The following NCOA3 variants were observed in gnomAD, a reference collection of about 807,000 sequenced individuals.
NCOA3 encodes the protein CBP-interacting protein.
A neutral mutation model predicts 158.8 loss-of-function variants in NCOA3; 51 were observed. The ratio of observed to expected loss-of-function variants is 0.32; its 90% CI spans 0.26 to 0.41. NCOA3 has a LOEUF of 0.41. NCOA3 is among the 10% of genes least tolerant of loss of function. The pLI, the probability that NCOA3 is intolerant of heterozygous loss-of-function variation, is 1.00. For missense variants in NCOA3, 1,510 were observed against 1,746.6 expected (o/e 0.86, Z 2.41); for synonymous variants, 537 against 592.4 (o/e 0.91, Z 1.36).
chr20:47,575,524 C>T (rs1228247397), intron 1 of NCOA3, among the ~76,000 whole-genome samples: 1 of 152,138 alleles, frequency 6.6e-6, no homozygotes, highest in Non-Finnish European at 1.5e-5. Flanking sequence ...CATTATATTG[C>T]TATATAAACT....
At chr20:47,608,929 A>G (rs933534839) in intron 2 of NCOA3, among the ~76,000 whole-genome samples, 2 of 152,154 alleles carry the variant, frequency 1.3e-5, no homozygotes, top group African/African-American at 2.4e-5. Context: ...GAGCTAACCA[A>G]TCTGAAGTTT....
rs1217063151 is a variant in NCOA3, at chr20:47,635,509, G to T, written c.1300G>T (p.Gly434Trp). 6.2e-7 allele frequency: 1 copy of T among 1,614,072 alleles called. No individual in the cohort carries two copies. Among genetic ancestry groups the T allele is most frequent in the Non-Finnish European group, 8.5e-7 (1 of 1,180,008 alleles). The change falls in exon 11 of 23, where the codon GGG becomes TGG. Residue 434 changes from glycine to tryptophan, a missense_variant. This residue lies in a region of NCOA3 where 1,017 missense variants were observed against 1,098.3 expected (regional missense o/e 0.93). Transcript: ENST00000371998. ...TTGQMSGARY[G>W]GSSNIASLTP... ...AGGGCAGATGAGTGGAGCTAGGTATGGGGGTTCCAGTAACATAGCTTCATT... is the reference window on the plus strand; with the variant it reads ...AGGGCAGATGAGTGGAGCTAGGTATTGGGGTTCCAGTAACATAGCTTCATT...
intron 1 of NCOA3, among the ~76,000 whole-genome samples, chr20:47,533,487 C>T (rs1013171971): frequency 6.6e-6 from 1 of 151,986 alleles, no homozygotes; most frequent in African/African-American, 2.4e-5. Flanking sequence ...TATATCTTTC[C>T]AGTCTTTTTT....
At chr20:47,607,243 AG>A (rs1356494845) in intron 2 of NCOA3, among the ~76,000 whole-genome samples, 1 of 152,240 alleles carries the variant, frequency 6.6e-6, no homozygotes, top group Admixed American at 6.5e-5. Context: ...TTTGAGAAGC[AG>A]ACACAGGAGA....
intron 1 of NCOA3, among the ~76,000 whole-genome samples, chr20:47,570,812 C>G (rs1387678480): frequency 2.0e-5 from 3 of 151,530 alleles, no homozygotes; most frequent in Admixed American, 2.0e-4. Context: ...GTTAAAATTG[C>G]TCCATAATCC....
chr20:47,574,488 AT>A (rs10626049), intron 1 of NCOA3, among the ~76,000 whole-genome samples: 5,305 of 143,756 alleles, frequency 0.037, 122 homozygotes, highest in African/African-American at 0.076. Flanking sequence ...GTATATTTTG[AT>A]TTTTTTTTTT....
At chr20:47,549,367 A>T (rs914025994) in intron 1 of NCOA3, among the ~76,000 whole-genome samples, 65 of 139,268 alleles carry the variant, frequency 4.7e-4, no homozygotes, top group African/African-American at 6.0e-4. Flanking sequence ...ACAAAAAATT[A>T]AAAAAAAAAA....
At chr20:47,536,653 CTTAT>C (rs2084638378) in intron 1 of NCOA3, among the ~76,000 whole-genome samples, 1 of 152,088 alleles carries the variant, frequency 6.6e-6, no homozygotes, top group South Asian at 2.1e-4. Context: ...GCTTTGAGTT[CTTAT>C]TTATTTGTTT....
chr20:47,641,910 A>G (rs366442), intron 16 of NCOA3, among the ~76,000 whole-genome samples: 1 of 150,906 alleles, frequency 6.6e-6, no homozygotes, highest in Non-Finnish European at 1.5e-5. Flanking sequence ...ATCCTTCCCT[A>G]CCCTCCCCCT....
rs374835226 is a variant in NCOA3, at chr20:47,653,729, C to G, written c.*312C>G. 26 of 381,500 alleles carry G rather than the reference C, an allele frequency of 6.8e-5. 1 individual carries two copies. Among genetic ancestry groups the G allele is most frequent in the African/African-American group, 4.3e-4 (21 of 48,278 alleles). The allele number at this position is 381,500 out of a possible 1,614,324, so 23.6% of individuals were successfully genotyped here. Reference sequence around the variant, plus strand: ...GTTACTGATCATAAAACTTTTGTGTCACTTTTTTCTGCCTTGCTAGCCAAA... The same window carrying G: ...GTTACTGATCATAAAACTTTTGTGTGACTTTTTTCTGCCTTGCTAGCCAAA... On this transcript the variant is annotated 3_prime_UTR_variant, in exon 23 of 23. Coordinates refer to ENST00000371998, the MANE Select transcript of NCOA3 (RefSeq NM_181659.3).
chr20:47,605,603 A>C (rs2085934228), intron 2 of NCOA3, among the ~76,000 whole-genome samples: 1 of 151,054 alleles, frequency 6.6e-6, no homozygotes, highest in African/African-American at 2.4e-5. Context: ...TTTACCTGTG[A>C]GCCTTGCTTT....
At position 47,635,564 on chromosome 20, in the gene NCOA3, CT is replaced by C; in HGVS notation, c.1357del (p.Ser453ProfsTer11). 6.2e-7 allele frequency: 1 copy of C among 1,614,166 alleles called. No individual in the cohort carries two copies. The highest frequency in any genetic ancestry group is 8.5e-7 in the Non-Finnish European group (1 of 1,180,044). ...CCTGGGCCAGGCATGCAATCACCAT[CT>C]TCCTACCAGAACAACAACTATGGGC... ...LTPGPGMQSPSSYQNNNYGLN... is the reference protein window; with the variant it reads ...LTPGPGMQSPXSYQNNNYGLN... On this transcript the variant is annotated frameshift_variant, in exon 11 of 23. Transcript: ENST00000371998. LOFTEE classifies it high-confidence loss of function.
intron 1 of NCOA3, among the ~76,000 whole-genome samples, chr20:47,574,308 C>T (rs72662714): frequency 0.023 from 3,553 of 152,180 alleles, 55 homozygotes; most frequent in Middle Eastern, 0.048. Context: ...TATAAAATTA[C>T]AAGGAACGTG....
At chr20:47,538,783 A>G (rs1238806761) in intron 1 of NCOA3, among the ~76,000 whole-genome samples, 1 of 152,132 alleles carries the variant, frequency 6.6e-6, no homozygotes, top group Non-Finnish European at 1.5e-5. Context: ...TGACCTCATG[A>G]TCCTCCCACC....
At chr20:47,514,020 A>T (rs1030291503) in intron 1 of NCOA3, among the ~76,000 whole-genome samples, 2 of 152,148 alleles carry the variant, frequency 1.3e-5, no homozygotes, top group African/African-American at 4.8e-5. Context: ...CAGGGCAGGG[A>T]AGGAGGCAGC....
rs755256318 is a variant in NCOA3 at position 47,636,119 on chromosome 20, A to G, written c.1733A>G (p.Asn578Ser). Reference sequence around the variant, plus strand: ...CCTCTGGGCTTTTATTGCGACCAAAATCCAGTGGAGAGTTCAATGTGTCAG... The same window carrying G: ...CCTCTGGGCTTTTATTGCGACCAAAGTCCAGTGGAGAGTTCAATGTGTCAG... The part of the protein sequence containing the change: ...KSPLGFYCDQ[N>S]PVESSMCQSN... Residue 578 changes from asparagine to serine, a missense_variant, in exon 12 of 23, where the codon AAT becomes AGT. Physicochemically the swap from Asn to Ser is conservative, Grantham distance 46. Around this residue, in one of 4 missense-constraint regions of NCOA3, gnomAD observed 1,017 missense variants for 1,098.3 expected, o/e 0.93. Transcript: ENST00000371998. The G allele has an allele frequency of 2.5e-6, 4 of 1,614,086 alleles. No homozygotes were observed. Among genetic ancestry groups the G allele is most frequent in the African/African-American group, 2.7e-5 (2 of 74,914 alleles).
chr20:47,541,540 G>C (rs1369609280), intron 1 of NCOA3, among the ~76,000 whole-genome samples: 1 of 144,316 alleles, frequency 6.9e-6, no homozygotes, highest in African/African-American at 2.6e-5. Flanking sequence ...CACTGTGCCC[G>C]TTTAATTTTT....
intron 1 of NCOA3, among the ~76,000 whole-genome samples, chr20:47,581,814 G>A (rs2146219241): frequency 6.6e-6 from 1 of 152,270 alleles, no homozygotes; most frequent in Middle Eastern, 3.4e-3. Flanking sequence ...GTGTTTTATT[G>A]TAGATTATTT....
chr20:47,582,323 C>G (rs2146220075), intron 1 of NCOA3, among the ~76,000 whole-genome samples: 1 of 152,270 alleles, frequency 6.6e-6, no homozygotes, highest in Middle Eastern at 3.4e-3. Context: ...GGTGATTCTC[C>G]TGCCTCAGCC....
Sources: gnomAD v4.1 joint callset for allele counts (sites outside exome capture counted in the v4.1 genomes callset) on GRCh38, gnomAD v4.1.1 for gene constraint, gnomAD v4.1.1 regional missense constraint, MANE v1.5 for transcripts, NCBI Gene and HGNC (gene_info 2026-07-23, HGNC 2026-07-21) for gene names.